The following SIPA1L3 variants were observed in gnomAD, a reference collection of about 807,000 sequenced individuals.
SIPA1L3 encodes the protein signal induced proliferation associated 1 like 3, also known as signal-induced proliferation-associated 1-like protein 3.
A neutral mutation model predicts 150.1 loss-of-function variants in SIPA1L3; 59 were observed. The observed-to-expected ratio is 0.39, with a 90% CI of 0.32 to 0.49. The LOEUF (loss-of-function observed/expected upper bound fraction) is 0.49, where lower values mean the gene tolerates loss of function less well. SIPA1L3 is among the 20% of genes least tolerant of loss of function. The pLI, the probability that SIPA1L3 is intolerant of heterozygous loss-of-function variation, is 0.86. For missense variants in SIPA1L3, 2,211 were observed against 2,489.5 expected (o/e 0.89, Z 2.38); for synonymous variants, 1,070 against 1,077.6 (o/e 0.99, Z 0.14).
chr19:38,010,945 G>A (rs1968083240), intron 1 of SIPA1L3, among the ~76,000 whole-genome samples: 1 of 152,126 alleles, frequency 6.6e-6, no homozygotes, highest in East Asian at 1.9e-4. Context: ...CCAACAAACA[G>A]GGTCTCTTTC....
intron 9 of SIPA1L3, among the ~76,000 whole-genome samples, chr19:38,128,462 A>G (rs576639020): frequency 3.9e-5 from 6 of 152,150 alleles, no homozygotes; most frequent in African/African-American, 1.4e-4. Flanking sequence ...TGCTATCCAC[A>G]CTCAAGAATG....
chr19:37,970,091 T>C (rs1966895979), intron 1 of SIPA1L3, among the ~76,000 whole-genome samples: 1 of 152,204 alleles, frequency 6.6e-6, no homozygotes, highest in Non-Finnish European at 1.5e-5. Context: ...TGAAATAGAA[T>C]TGTTACTCAT....
At chr19:38,048,450 G>A (rs1969110550) in intron 2 of SIPA1L3, among the ~76,000 whole-genome samples, 1 of 152,156 alleles carries the variant, frequency 6.6e-6, no homozygotes, top group Non-Finnish European at 1.5e-5. Flanking sequence ...CCCCACTGAT[G>A]GTTATAAGTG....
At chr19:38,198,804 G>A (rs554414644) in intron 19 of SIPA1L3, among the ~76,000 whole-genome samples, 122 of 152,300 alleles carry the variant, frequency 8.0e-4, no homozygotes, top group African/African-American at 2.8e-3. Flanking sequence ...TGTAAAACAC[G>A]TGAGGCCAAG....
chr19:38,045,281 G>A (rs1418369391), intron 2 of SIPA1L3, among the ~76,000 whole-genome samples: 2 of 152,018 alleles, frequency 1.3e-5, no homozygotes, highest in Admixed American at 6.6e-5. Flanking sequence ...GGAGGCTGAG[G>A]CACAAGAATC....
intron 1 of SIPA1L3, among the ~76,000 whole-genome samples, chr19:37,947,824 C>T (rs1232947488): frequency 6.6e-6 from 1 of 152,190 alleles, no homozygotes; most frequent in Non-Finnish European, 1.5e-5. Flanking sequence ...GCAGTTTTTC[C>T]TGCAGTTTCT....
chr19:37,963,063 G>C (rs1020970731), intron 1 of SIPA1L3, among the ~76,000 whole-genome samples: 1 of 152,214 alleles, frequency 6.6e-6, no homozygotes, highest in Non-Finnish European at 1.5e-5. Flanking sequence ...AGGTTGTGCT[G>C]AAACACCTTG....
At chr19:38,179,753 A>AT (rs1972517551) in intron 15 of SIPA1L3, among the ~76,000 whole-genome samples, 2 of 152,202 alleles carry the variant, frequency 1.3e-5, no homozygotes, top group Admixed American at 1.3e-4. Flanking sequence ...ATAGAATCTT[A>AT]TTTTAAACCA....
Position 38,164,356 on chromosome 19 carries a change from G to A in SIPA1L3, c.3781-123G>A. The A allele has an allele frequency of 2.2e-6, 2 of 908,940 alleles. No homozygotes were observed. Among genetic ancestry groups the A allele is most frequent in the Non-Finnish European group, 1.7e-6 (1 of 586,932 alleles). The allele number at this position is 908,940 out of a possible 1,614,324, so 56.3% of individuals were successfully genotyped here. On this transcript the variant is annotated intron_variant, in intron 14 of 21. Transcript: ENST00000222345. The surrounding 1 kb of genome is among the most constrained non-coding windows in gnomAD (Gnocchi z 4.1). The stretch of plus-strand genomic sequence containing the variant: ...GCCCAAGGTAACACGGCCAGTAGAT[G>A]AGAAGCCAGGATTTGAAGCTGTCTG...
intron 6 of SIPA1L3, among the ~76,000 whole-genome samples, chr19:38,104,160 A>C (rs1970569153): frequency 6.6e-6 from 1 of 152,192 alleles, no homozygotes; most frequent in Non-Finnish European, 1.5e-5. Flanking sequence ...TAGAAAACAA[A>C]ACAGAAGCCC....
At chr19:38,074,938 T>C (rs188093002) in intron 2 of SIPA1L3, among the ~76,000 whole-genome samples, 73 of 152,304 alleles carry the variant, frequency 4.8e-4, no homozygotes, top group Admixed American at 2.8e-3. Context: ...TTCACTGTAA[T>C]GCCCAGGCTG....
At chr19:37,907,956 C>T (rs2046348719) in intron 1 of SIPA1L3, 1 of 152,156 alleles carries the variant, frequency 6.6e-6, no homozygotes, top group African/African-American at 2.4e-5. Flanking sequence ...GAACATTTAC[C>T]AGCTGTGTGA....
At chr19:38,145,269 C>T (rs1419765142) in intron 12 of SIPA1L3, among the ~76,000 whole-genome samples, 1 of 152,028 alleles carries the variant, frequency 6.6e-6, no homozygotes, top group Non-Finnish European at 1.5e-5. Flanking sequence ...CAGTGGTTCA[C>T]GCCTGTAATC....
chr19:38,175,099 C>T (rs1460911949), intron 15 of SIPA1L3, among the ~76,000 whole-genome samples: 8 of 152,096 alleles, frequency 5.3e-5, no homozygotes, highest in African/African-American at 9.7e-5. Context: ...TACATCATTT[C>T]GGGCAAGTTA....
At chr19:38,013,437 G>A (rs910823595) in intron 1 of SIPA1L3, among the ~76,000 whole-genome samples, 8 of 152,102 alleles carry the variant, frequency 5.3e-5, no homozygotes, top group Non-Finnish European at 7.3e-5. Context: ...CAGTACATGC[G>A]TGTGATAAAA....
chr19:38,206,641 C>T lies in SIPA1L3; in HGVS notation c.*401C>T, dbSNP rs936149579. The T allele has an allele frequency of 6.0e-6, 1 of 166,522 alleles. No homozygotes were observed. Among genetic ancestry groups the T allele is most frequent in the Non-Finnish European group, 1.3e-5 (1 of 77,714 alleles). 10.3% of individuals were successfully genotyped at this position (166,522 alleles called of 1,614,324 possible). A position where few individuals can be genotyped will look rare whatever the true frequency, so the allele number is the denominator to read the frequency against. On this transcript the variant is annotated 3_prime_UTR_variant, in exon 22 of 22. Coordinates refer to ENST00000222345, the MANE Select transcript of SIPA1L3 (RefSeq NM_015073.3). ...GGTCACACAGCAGGTTTCTGCACCA[C>T]GCACAACAAAGTTGCGGCTTGTGGG...
At chr19:37,928,900 C>T (rs896983089) in intron 1 of SIPA1L3, among the ~76,000 whole-genome samples, 1 of 152,210 alleles carries the variant, frequency 6.6e-6, no homozygotes, top group East Asian at 1.9e-4. Context: ...CCCCATCCCT[C>T]TCCTTCAAGC....
chr19:38,123,983 C>G (rs181514862), intron 9 of SIPA1L3, among the ~76,000 whole-genome samples: 8,509 of 145,236 alleles, frequency 0.059, 1,017 homozygotes, highest in African/African-American at 0.21. Context: ...CAACCCCCCC[C>G]CACCTCCCTC....
rs575012084 is a variant in SIPA1L3, at chr19:38,046,267, T to C, written c.-311+17111T>C. Among the ~76,000 whole-genome samples, 1 of 152,224 alleles carries C rather than the reference T, an allele frequency of 6.6e-6. No homozygotes were observed. Among genetic ancestry groups the C allele is most frequent in the South Asian group, 2.1e-4 (1 of 4,826 alleles). Reference sequence around the variant, plus strand: ...GGTCACAGCAGCCCCGCCTCCTCCATAGACCTCCAGGCCTCTCAAAAGGGA... The same window carrying C: ...GGTCACAGCAGCCCCGCCTCCTCCACAGACCTCCAGGCCTCTCAAAAGGGA... On this transcript the variant is annotated intron_variant, in intron 2 of 21. Transcript: ENST00000222345. The surrounding 1 kb of genome is among the most constrained non-coding windows in gnomAD (Gnocchi z 5.6).
Sources: gnomAD v4.1 joint callset for allele counts (sites outside exome capture counted in the v4.1 genomes callset) on GRCh38, gnomAD v4.1.1 for gene constraint, Gnocchi (gnomAD v3.1) non-coding constraint, MANE v1.5 for transcripts, NCBI Gene and HGNC (gene_info 2026-07-23, HGNC 2026-07-21) for gene names.